PTPRD: variants seen among roughly 807,000 people sequenced by gnomAD.
PTPRD encodes the protein protein tyrosine phosphatase receptor type D, also known as receptor-type tyrosine-protein phosphatase delta.
In PTPRD, 34 loss-of-function variants were observed where a neutral mutation model predicts 214.5. The observed-to-expected ratio is 0.16, with a 90% CI of 0.12 to 0.21. PTPRD has a LOEUF of 0.21. Among genes scored for constraint, PTPRD ranks in the 10% least tolerant of loss-of-function variants. The pLI is 1.00. For missense variants in PTPRD, 2,545 were observed against 2,398.7 expected (o/e 1.06, Z -1.27); for synonymous variants, 1,128 against 845.7 (o/e 1.33, Z -5.79).
At chr9:9,008,952 C>T (rs2099495427) in intron 11 of PTPRD, among the ~76,000 whole-genome samples, 1 of 152,164 alleles carries the variant, frequency 6.6e-6, no homozygotes, top group Admixed American at 6.5e-5. Context: ...AGGGGAAAAT[C>T]TGATATCATA....
chr9:10,081,092 C>T (rs936360622), intron 3 of PTPRD, among the ~76,000 whole-genome samples: 1 of 151,718 alleles, frequency 6.6e-6, no homozygotes, highest in African/African-American at 2.4e-5. Context: ...TTTTTTAAAC[C>T]TGCTATTTCC....
intron 9 of PTPRD, among the ~76,000 whole-genome samples, chr9:9,366,889 T>C (rs1025470438): frequency 2.0e-5 from 3 of 151,476 alleles, no homozygotes; most frequent in Non-Finnish European, 4.4e-5. Flanking sequence ...TGACTTTTTT[T>C]TTCTACTTTT....
At chr9:9,338,265 A>C (rs1460156856) in intron 9 of PTPRD, among the ~76,000 whole-genome samples, 13 of 152,200 alleles carry the variant, frequency 8.5e-5, no homozygotes, top group Admixed American at 8.5e-4. Flanking sequence ...ATGTAGGCTT[A>C]ATAGTCTATT....
At chr9:8,435,344 T>C (rs912138926) in intron 35 of PTPRD, among the ~76,000 whole-genome samples, 1 of 152,062 alleles carries the variant, frequency 6.6e-6, no homozygotes, top group Non-Finnish European at 1.5e-5. Context: ...CTACAGAATG[T>C]GACAGGGTAG....
At chr9:10,441,685 A>T (rs777911512) in intron 2 of PTPRD, among the ~76,000 whole-genome samples, 10 of 151,660 alleles carry the variant, frequency 6.6e-5, no homozygotes, top group Non-Finnish European at 1.2e-4. Flanking sequence ...CAGTGACAAT[A>T]TTTTAAATAT....
At chr9:10,332,402 C>T (rs1202090002) in intron 3 of PTPRD, among the ~76,000 whole-genome samples, 3 of 151,728 alleles carry the variant, frequency 2.0e-5, no homozygotes, top group Admixed American at 6.6e-5. Context: ...TCTTCTAATC[C>T]TCAAAACAGC....
chr9:9,316,132 T>C (rs1360756755), intron 9 of PTPRD, among the ~76,000 whole-genome samples: 1 of 151,968 alleles, frequency 6.6e-6, no homozygotes, highest in Non-Finnish European at 1.5e-5. Flanking sequence ...CCTTCATCTT[T>C]CATCTTATAC....
chr9:9,274,873 T>G (rs534899320), intron 9 of PTPRD, among the ~76,000 whole-genome samples: 1 of 148,940 alleles, frequency 6.7e-6, no homozygotes, highest in African/African-American at 2.5e-5. Context: ...ATAGGAATGA[T>G]TCTACTCGTA....
chr9:9,377,388 T>C (rs970914848), intron 9 of PTPRD, among the ~76,000 whole-genome samples: 1 of 152,132 alleles, frequency 6.6e-6, no homozygotes, highest in Non-Finnish European at 1.5e-5. Flanking sequence ...TCAAGCATCT[T>C]AAATTAAAAC....
At chr9:9,090,865 T>C (rs889438790) in intron 10 of PTPRD, 1 of 920,454 alleles carries the variant, frequency 1.1e-6, no homozygotes, top group Admixed American at 1.7e-5. Flanking sequence ...TAAAAATTTC[T>C]TTAAATAGCT....
chr9:8,878,745 C>G (rs1026502355), intron 11 of PTPRD, among the ~76,000 whole-genome samples: 1 of 152,138 alleles, frequency 6.6e-6, no homozygotes, highest in African/African-American at 2.4e-5. Flanking sequence ...CCCTGCTGGT[C>G]TTGAATGCCT....
chr9:9,223,368 C>A (rs1034130791), intron 9 of PTPRD, among the ~76,000 whole-genome samples: 2 of 151,910 alleles, frequency 1.3e-5, no homozygotes, highest in African/African-American at 4.8e-5. Context: ...TTATAGGAAG[C>A]TCTTTTGTGC....
At chr9:9,257,417 C>T (rs1410137763) in intron 9 of PTPRD, among the ~76,000 whole-genome samples, 1 of 151,930 alleles carries the variant, frequency 6.6e-6, no homozygotes, top group Non-Finnish European at 1.5e-5. Context: ...AGCTCTTAGT[C>T]ATCAAACTCA....
intron 2 of PTPRD, among the ~76,000 whole-genome samples, chr9:10,547,662 C>T (rs772602706): frequency 1.3e-5 from 2 of 151,686 alleles, no homozygotes; most frequent in Non-Finnish European, 2.9e-5. Context: ...AGACATTCAT[C>T]ACATAACTGT....
At chr9:8,753,976 C>T (rs964217211) in intron 11 of PTPRD, among the ~76,000 whole-genome samples, 1 of 151,970 alleles carries the variant, frequency 6.6e-6, no homozygotes, top group African/African-American at 2.4e-5. Flanking sequence ...GAAACCCGGT[C>T]TCTACTAAAA....
intron 44 of PTPRD, among the ~76,000 whole-genome samples, chr9:8,320,208 T>C (rs1365909734): frequency 1.3e-5 from 2 of 152,076 alleles, no homozygotes; most frequent in African/African-American, 4.8e-5. Context: ...TCAATGGGGA[T>C]TTATACCATT....
intron 2 of PTPRD, among the ~76,000 whole-genome samples, chr9:10,360,953 T>C (rs1380956785): frequency 6.6e-6 from 1 of 151,954 alleles, no homozygotes; most frequent in Admixed American, 6.6e-5. Context: ...ATACAAAAAA[T>C]TAGCCGGGCG....
chr9:9,702,695 G>A (rs765862881), intron 7 of PTPRD, among the ~76,000 whole-genome samples: 1 of 152,200 alleles, frequency 6.6e-6, no homozygotes, highest in South Asian at 2.1e-4. Context: ...AGTGGAGAAA[G>A]TAGCTGACAT....
At chr9:9,184,473 C>G (rs973679969) in intron 9 of PTPRD, among the ~76,000 whole-genome samples, 2 of 152,034 alleles carry the variant, frequency 1.3e-5, no homozygotes, top group African/African-American at 4.8e-5. Flanking sequence ...TCTCCAGCCA[C>G]AGCTTTCAGG....
Sources: gnomAD v4.1 joint callset for allele counts (sites outside exome capture counted in the v4.1 genomes callset) on GRCh38, gnomAD v4.1.1 for gene constraint, MANE v1.5 for transcripts, NCBI Gene and HGNC (gene_info 2026-07-23, HGNC 2026-07-21) for gene names.